UTRN: variants seen among roughly 807,000 people sequenced by gnomAD.
The protein encoded by UTRN is utrophin, also known as dystrophin-related protein 1.
A neutral mutation model predicts 463.9 loss-of-function variants in UTRN; 283 were observed. The observed-to-expected ratio is 0.61, with a 90% CI of 0.55 to 0.67. The LOEUF (loss-of-function observed/expected upper bound fraction) is 0.67, where lower values mean the gene tolerates loss of function less well. Among genes scored for constraint, UTRN ranks in the 30% least tolerant of loss-of-function variants. The pLI, the probability that UTRN is intolerant of heterozygous loss-of-function variation, is 0.00. For missense variants in UTRN, 3,922 were observed against 4,084.3 expected (o/e 0.96, Z 1.08); for synonymous variants, 1,442 against 1,431.5 (o/e 1.01, Z -0.17).
At chr6:144,658,541 T>TC (rs71707638) in intron 51 of UTRN, among the ~76,000 whole-genome samples, 27,810 of 150,338 alleles carry the variant, frequency 0.18, 2,760 homozygotes, top group South Asian at 0.29. Context: ...TTTTAGGGGT[T>TC]CCCCCCCCCA....
intron 53 of UTRN, among the ~76,000 whole-genome samples, chr6:144,723,720 G>C (rs1787476384): frequency 6.6e-6 from 1 of 152,130 alleles, no homozygotes; most frequent in African/African-American, 2.4e-5. Flanking sequence ...AAACAAATTA[G>C]GCTGGGTGCA....
intron 21 of UTRN, 138 bp downstream of exon 21, chr6:144,459,492 TC>T: frequency 1.1e-6 from 1 of 891,642 alleles, no homozygotes; most frequent in East Asian, 2.8e-5. Context: ...TTGTTCAAAG[TC>T]TTAAAGTCTT....
intron 2 of UTRN, among the ~76,000 whole-genome samples, chr6:144,357,838 A>C (rs908767523): frequency 6.6e-6 from 1 of 152,280 alleles, no homozygotes; most frequent in African/African-American, 2.4e-5. Context: ...AGTCTACTCA[A>C]CTTAGTAAAC....
chr6:144,484,426 A>T (rs955782988), intron 27 of UTRN, among the ~76,000 whole-genome samples: 8 of 146,894 alleles, frequency 5.4e-5, no homozygotes, highest in Non-Finnish European at 8.9e-5. Flanking sequence ...TTGTTCAAAA[A>T]CCAAACTTTT....
chr6:144,705,104 A>G (rs1784959623), intron 53 of UTRN, among the ~76,000 whole-genome samples: 1 of 152,272 alleles, frequency 6.6e-6, no homozygotes, highest in East Asian at 1.9e-4. Flanking sequence ...AATGTAGATA[A>G]TCTACTGTGA....
chr6:144,563,343 A>G (rs931243704), intron 50 of UTRN, among the ~76,000 whole-genome samples: 1 of 152,166 alleles, frequency 6.6e-6, no homozygotes, highest in Non-Finnish European at 1.5e-5. Context: ...TTGTCCCTAT[A>G]GATTAATAAA....
intron 51 of UTRN, among the ~76,000 whole-genome samples, chr6:144,667,024 T>TTCCTCTTCTTCC (rs1780475515): frequency 1.3e-5 from 2 of 151,276 alleles, no homozygotes; most frequent in African/African-American, 4.9e-5. Context: ...CTTCCTCTTC[T>TTCCTCTTCTTCC]TCCTCCTCCT....
intron 52 of UTRN, among the ~76,000 whole-genome samples, chr6:144,688,845 T>G (rs1379413210): frequency 6.6e-6 from 1 of 152,168 alleles, no homozygotes; most frequent in East Asian, 1.9e-4. Flanking sequence ...ACAGTTCAGG[T>G]TTCAGGCCAG....
chr6:144,453,117 A>G (rs186643659), intron 18 of UTRN, among the ~76,000 whole-genome samples: 1 of 151,700 alleles, frequency 6.6e-6, no homozygotes, highest in Non-Finnish European at 1.5e-5. Flanking sequence ...ATTTCTATCC[A>G]TTTTTTCTGT....
At chr6:144,291,450 C>T (rs988447842) in intron 1 of UTRN, among the ~76,000 whole-genome samples, 5 of 152,206 alleles carry the variant, frequency 3.3e-5, no homozygotes, top group Non-Finnish European at 7.3e-5. Context: ...AGGTCAGACT[C>T]CTCTGCTGTG....
At chr6:144,824,306 A>G (rs542849544) in intron 66 of UTRN, among the ~76,000 whole-genome samples, 1 of 151,826 alleles carries the variant, frequency 6.6e-6, no homozygotes, top group African/African-American at 2.4e-5. Context: ...AATGGATTGA[A>G]GAAGGCAGAA....
In UTRN at chr6:144,461,321, G is replaced by C. The variant is rs374884024; in HGVS notation, c.2832G>C (p.Glu944Asp). 9 of 1,576,692 alleles carry C rather than the reference G, an allele frequency of 5.7e-6. No individual in the cohort carries two copies. The African/African-American group carries it at 1.2e-4, about 21-fold the overall frequency. Residue 944 changes from glutamate to aspartate, a missense_variant, in exon 22 of 75, where the codon GAG becomes GAC. By Grantham distance (45) the Glu-to-Asp change is conservative. This residue lies in a region of UTRN where 2,349 missense variants were observed against 2,303.8 expected (regional missense o/e 1.02). Coordinates refer to ENST00000367545, the MANE Select transcript of UTRN (RefSeq NM_007124.3). ...LNVLNDLAKV[E>D]KALQEKKTLD... is the part of the protein sequence containing the mutation. ...TCCTTAATGATCTTGCCAAGGTGGAGAAGGCCCTGCAAGAAAAAAAGGTAA... is the reference window on the plus strand; with the variant it reads ...TCCTTAATGATCTTGCCAAGGTGGACAAGGCCCTGCAAGAAAAAAAGGTAA...
chr6:144,445,553 A>C (rs1787589779), intron 14 of UTRN, among the ~76,000 whole-genome samples: 2 of 149,502 alleles, frequency 1.3e-5, no homozygotes, highest in African/African-American at 5.0e-5. Context: ...ATTGTTAATG[A>C]CTACTTCCCC....
intron 53 of UTRN, 74 bp downstream of exon 53, chr6:144,700,317 T>C (rs1784450534): frequency 6.8e-7 from 1 of 1,476,810 alleles, no homozygotes; most frequent in Non-Finnish European, 9.1e-7. Context: ...CAATTATAGA[T>C]AAGTATCAGA....
chr6:144,438,663 G>A, intron 11 of UTRN, 82 bp from the exon 12 acceptor site: 4 of 1,556,948 alleles, frequency 2.6e-6, no homozygotes, highest in Middle Eastern at 1.7e-4. Flanking sequence ...CCCTTGCCCT[G>A]TATCTCCGGT....
At chr6:144,377,266 G>A (rs899896168) in intron 2 of UTRN, among the ~76,000 whole-genome samples, 5 of 152,124 alleles carry the variant, frequency 3.3e-5, no homozygotes, top group Admixed American at 3.3e-4. Context: ...TGACCTCCTG[G>A]CCTCAAGTGA....
chr6:144,393,960 G>A (rs1015773992), intron 2 of UTRN, among the ~76,000 whole-genome samples: 2 of 152,194 alleles, frequency 1.3e-5, no homozygotes, highest in Non-Finnish European at 1.5e-5. Flanking sequence ...AGACTCTCCT[G>A]TCTGGAAGAA....
intron 2 of UTRN, chr6:144,344,215 G>A: frequency 7.7e-7 from 1 of 1,303,974 alleles, no homozygotes; most frequent in Non-Finnish European, 1.0e-6. Context: ...TAGGTGATGA[G>A]CGGCCTGGCA....
intron 3 of UTRN, among the ~76,000 whole-genome samples, chr6:144,414,023 G>A (rs879586245): frequency 5.3e-5 from 8 of 151,802 alleles, no homozygotes; most frequent in Non-Finnish European, 1.0e-4. Context: ...GGCTGGTCTC[G>A]AACTCCTGAT....
Sources: allele counts gnomAD v4.1 joint callset (sites outside exome capture counted in the v4.1 genomes callset), GRCh38; gene constraint gnomAD v4.1.1; regional missense constraint gnomAD v4.1.1; transcripts MANE v1.5; gene names NCBI Gene and HGNC (gene_info 2026-07-23, HGNC 2026-07-21).